Variants in DTD1 observed in about 807,000 individuals in gnomAD.
DTD1 encodes D-aminoacyl-tRNA deacylase 1.
DTD1 carries 13 observed loss-of-function variants against 25.6 expected under a neutral mutation model. That is an observed-to-expected ratio of 0.51 (90% confidence interval 0.33 to 0.81). The LOEUF is 0.81. Among genes scored for constraint, DTD1 ranks in the 30% least tolerant of loss-of-function variants. The probability of loss-of-function intolerance (pLI) is 0.02; values close to 1 mark genes in which losing one functional copy is unlikely to be tolerated. For synonymous variants in DTD1, 110 were observed against 103.6 expected (o/e 1.06, Z -0.37); for missense variants, 193 against 266.4 (o/e 0.72, Z 1.92).
intron 4 of DTD1, among the ~76,000 whole-genome samples, chr20:18,693,766 T>A (rs2061058883): frequency 1.3e-5 from 2 of 152,016 alleles, no homozygotes; most frequent in Admixed American, 1.3e-4. Context: ...AGCACCCTTA[T>A]CCCCATTGTG....
At position 18,595,004 on chromosome 20, in the gene DTD1, A is replaced by G. The variant is rs572984614; in HGVS notation, c.135-1002A>G. ...TCTTTGAAACTGTCATCTACTTAAC[A>G]TCATCCAGAAGGGTGGCTCTCAAAT... is the stretch of plus-strand genomic sequence containing the variant. On this transcript the variant is annotated intron_variant, in intron 2 of 5. Transcript: ENST00000377452. Among the ~76,000 whole-genome samples, 8 of 152,342 alleles carry G rather than the reference A, an allele frequency of 5.3e-5. No homozygotes were observed. The South Asian group carries it at 1.7e-3, about 32-fold the overall frequency.
At chr20:18,621,775 A>T (rs938211788) in intron 3 of DTD1, among the ~76,000 whole-genome samples, 8 of 152,002 alleles carry the variant, frequency 5.3e-5, no homozygotes, top group African/African-American at 1.9e-4. Context: ...TTTTAAAAAA[A>T]TTTTTTTGGC....
intron 1 of DTD1, among the ~76,000 whole-genome samples, chr20:18,593,059 C>G (rs1328733193): frequency 6.6e-6 from 1 of 151,656 alleles, no homozygotes; most frequent in African/African-American, 2.4e-5. Context: ...AATACATATA[C>G]AAATGTTAGG....
intron 4 of DTD1, among the ~76,000 whole-genome samples, chr20:18,680,766 G>C (rs1199337274): frequency 6.6e-6 from 1 of 152,140 alleles, no homozygotes; most frequent in East Asian, 1.9e-4. Context: ...AGGTGACCTT[G>C]AACAGGCCTC....
In DTD1 at chr20:18,598,522, G is replaced by A. The variant is rs12106202; in HGVS notation, c.370+2281G>A. Among the ~76,000 whole-genome samples the A allele has an allele frequency of 8.8e-3, 1,341 of 151,640 alleles. 20 individuals are homozygous for A. The highest frequency in any genetic ancestry group is 0.031 in the African/African-American group (1,277 of 41,316). On this transcript the variant is annotated intron_variant, in intron 3 of 5. Coordinates refer to ENST00000377452, the MANE Select transcript of DTD1 (RefSeq NM_080820.6). Reference sequence around the variant, plus strand: ...ACAGTAATTTTTTTTTTTTGAGATGGAGTCTTGCTCTGTTGCCCAGACTGG... The same window carrying A: ...ACAGTAATTTTTTTTTTTTGAGATGAAGTCTTGCTCTGTTGCCCAGACTGG...
rs372839060 is a variant in DTD1, at chr20:18,749,898, C to T, written c.*19+5627C>T. Among the ~76,000 whole-genome samples the T allele has an allele frequency of 6.6e-6, 1 of 152,214 alleles. No homozygotes were observed. The highest frequency in any genetic ancestry group is 6.5e-5 in the Admixed American group (1 of 15,286). Reference sequence around the variant, plus strand: ...ATCGGCCCATGAAAGACAGAGGCCACGTTTTGTTTATACCGATGTATATGG... The same window carrying T: ...ATCGGCCCATGAAAGACAGAGGCCATGTTTTGTTTATACCGATGTATATGG... On this transcript the variant is annotated intron_variant, in intron 5 of 5. Coordinates refer to ENST00000377452, the MANE Select transcript of DTD1 (RefSeq NM_080820.6). This position sits in a 1 kb window ranked among gnomAD's most constrained non-coding sequence, Gnocchi z 4.2.
At chr20:18,752,345 T>C (rs2061324126) in intron 5 of DTD1, among the ~76,000 whole-genome samples, 1 of 152,196 alleles carries the variant, frequency 6.6e-6, no homozygotes, top group Non-Finnish European at 1.5e-5. Context: ...TTGCAATTGC[T>C]CTACAGTCTT....
At chr20:18,757,391 T>C (rs1425319788) in intron 5 of DTD1, among the ~76,000 whole-genome samples, 2 of 152,236 alleles carry the variant, frequency 1.3e-5, no homozygotes, top group Non-Finnish European at 2.9e-5. Context: ...CCATTCAGTA[T>C]GATATTAGCT....
intron 3 of DTD1, among the ~76,000 whole-genome samples, chr20:18,608,995 A>G: frequency 6.6e-6 from 1 of 152,342 alleles, no homozygotes; most frequent in East Asian, 1.9e-4. Context: ...GGAGAAATAC[A>G]TAAGAAAAAA....
intron 4 of DTD1, among the ~76,000 whole-genome samples, chr20:18,644,643 T>C (rs370312114): frequency 5.3e-5 from 8 of 152,340 alleles, no homozygotes; most frequent in Admixed American, 5.2e-4. Flanking sequence ...AAGAGTTGCT[T>C]GGAACCTGTG....
At chr20:18,717,035 G>C (rs1433796334) in intron 4 of DTD1, among the ~76,000 whole-genome samples, 1 of 152,160 alleles carries the variant, frequency 6.6e-6, no homozygotes, top group African/African-American at 2.4e-5. Flanking sequence ...ACTTTACTCT[G>C]CTTCTTGGGA....
rs2061137340 is a variant in DTD1 at position 18,708,237 on chromosome 20, TATATATA to T, written c.478-35855_478-35849del. 2.9e-3 allele frequency among the ~76,000 whole-genome samples: 6 copies of T among 2,100 alleles called. 1 individual carries two copies. The highest frequency in any genetic ancestry group is 9.4e-3 in the Admixed American group (1 of 106). The allele number at this position is 2,100 out of a possible 152,430, so 1.4% of individuals were successfully genotyped here. A position where few individuals can be genotyped will look rare whatever the true frequency, so the allele number is the denominator to read the frequency against. On this transcript the variant is annotated intron_variant, in intron 4 of 5. Coordinates refer to ENST00000377452, the MANE Select transcript of DTD1 (RefSeq NM_080820.6). The stretch of plus-strand genomic sequence containing the variant: ...ATATATAATATATATATATTTTATA[TATATATA>T]ATATATATTATATATATATTTTATA...
chr20:18,746,422 G>C (rs181037437), intron 5 of DTD1, among the ~76,000 whole-genome samples: 1 of 152,284 alleles, frequency 6.6e-6, no homozygotes, highest in Admixed American at 6.5e-5. Context: ...ATTAGGCCAG[G>C]TGTGGTGGCT....
At chr20:18,748,113 T>C (rs1176658612) in intron 5 of DTD1, among the ~76,000 whole-genome samples, 1 of 151,754 alleles carries the variant, frequency 6.6e-6, no homozygotes, top group Non-Finnish European at 1.5e-5. Context: ...GGGAGAAACA[T>C]ACAAGCCCCT....
At chr20:18,602,204 C>T (rs1340291995) in intron 3 of DTD1, among the ~76,000 whole-genome samples, 4 of 105,766 alleles carry the variant, frequency 3.8e-5, no homozygotes, top group African/African-American at 7.0e-5. Context: ...TGAAATGAAG[C>T]GAGAAGGGAA....
chr20:18,623,487 A>G (rs145218066), intron 3 of DTD1, among the ~76,000 whole-genome samples: 45 of 151,588 alleles, frequency 3.0e-4, no homozygotes, highest in African/African-American at 9.2e-4. Context: ...CTTATTTTCT[A>G]ATAATTTGGT....
intron 4 of DTD1, among the ~76,000 whole-genome samples, chr20:18,639,951 T>G (rs2060822213): frequency 6.6e-6 from 1 of 152,142 alleles, no homozygotes; most frequent in Non-Finnish European, 1.5e-5. Flanking sequence ...TTATTAACCA[T>G]TCGTGTCATT....
At chr20:18,645,001 A>T (rs886554342) in intron 4 of DTD1, among the ~76,000 whole-genome samples, 3 of 152,182 alleles carry the variant, frequency 2.0e-5, no homozygotes, top group South Asian at 2.1e-4. Context: ...ATAAAAAAAA[A>T]TTAGCAGAAT....
intron 4 of DTD1, among the ~76,000 whole-genome samples, chr20:18,697,140 G>A (rs1600376214): frequency 6.6e-6 from 1 of 151,762 alleles, no homozygotes; most frequent in South Asian, 2.1e-4. Context: ...GCTGTGGCAG[G>A]AGAATGGCGA....
Sources: allele counts gnomAD v4.1 joint callset (sites outside exome capture counted in the v4.1 genomes callset), GRCh38; gene constraint gnomAD v4.1.1; non-coding constraint Gnocchi (gnomAD v3.1); transcripts MANE v1.5; gene names NCBI Gene and HGNC (gene_info 2026-07-23, HGNC 2026-07-21).